TOP1MT: variants seen among roughly 807,000 people sequenced by gnomAD.
TOP1MT encodes DNA topoisomerase I mitochondrial, also known as DNA topoisomerase I, mitochondrial.
Under a neutral mutation model 73.9 loss-of-function variants are expected in TOP1MT, and 80 were observed. That is an observed-to-expected ratio of 1.08 (90% CI 0.90 to 1.30). The LOEUF (loss-of-function observed/expected upper bound fraction) is 1.30. TOP1MT is among the 50% of genes most tolerant of loss of function. TOP1MT has a pLI of 0.00. For missense variants in TOP1MT, 815 were observed against 808.0 expected (o/e 1.01, Z -0.10); for synonymous variants, 338 against 326.4 (o/e 1.04, Z -0.38).
At chr8:143,337,834 C>T (rs1159838040), upstream of TOP1MT, among the ~76,000 whole-genome samples, 5 of 152,172 alleles carry the variant, frequency 3.3e-5, no homozygotes, top group Non-Finnish European at 2.9e-5. Context: ...AGTTAAAGAT[C>T]GGCCCGGACC....
chr8:143,315,881 C>T, intron 11 of TOP1MT, 60 bp from the exon 12 acceptor site: 2 of 1,601,766 alleles, frequency 1.2e-6, no homozygotes, highest in Non-Finnish European at 1.7e-6. Context: ...CCCCTGTGCC[C>T]ACACCCTTCC....
At chr8:143,339,439 G>A (rs187657046), upstream of TOP1MT, among the ~76,000 whole-genome samples, 90 of 152,234 alleles carry the variant, frequency 5.9e-4, no homozygotes, top group African/African-American at 2.0e-3. Context: ...ACCTTGGCCC[G>A]GTTACTTAAC....
chr8:143,346,444 T>C (rs534466483), upstream of TOP1MT, among the ~76,000 whole-genome samples: 1 of 152,120 alleles, frequency 6.6e-6, no homozygotes, highest in African/African-American at 2.4e-5. Context: ...AATGATTTTT[T>C]AAAAAAAGAT....
At chr8:143,338,599 GATAA>G (rs879611873), upstream of TOP1MT, among the ~76,000 whole-genome samples, 40 of 152,200 alleles carry the variant, frequency 2.6e-4, no homozygotes, top group African/African-American at 6.0e-4. Context: ...TAAAAAGGGG[GATAA>G]ATAATCTAAA....
intron 1 of TOP1MT, among the ~76,000 whole-genome samples, chr8:143,352,757 T>A (rs566170545): frequency 9.2e-5 from 14 of 152,302 alleles, no homozygotes; most frequent in African/African-American, 3.4e-4. Flanking sequence ...TTACCATAGC[T>A]GGGACTACAT....
At chr8:143,319,780 C>T (rs534238502) in intron 8 of TOP1MT, among the ~76,000 whole-genome samples, 51 of 151,944 alleles carry the variant, frequency 3.4e-4, no homozygotes, top group African/African-American at 1.2e-3. Context: ...GAAAAGTGTT[C>T]CCGAAATTCA....
intron 1 of TOP1MT, among the ~76,000 whole-genome samples, chr8:143,352,035 T>C (rs759098284): frequency 3.3e-5 from 5 of 152,258 alleles, no homozygotes; most frequent in Non-Finnish European, 7.3e-5. Flanking sequence ...TGAGCCAAGA[T>C]TGTGCCATTG....
intron 1 of TOP1MT, chr8:143,331,607 G>A (rs947508142): frequency 5.5e-6 from 2 of 362,278 alleles, no homozygotes; most frequent in African/African-American, 2.0e-5. Flanking sequence ...GCGGGAAAGG[G>A]CAAGCCCAGC....
At chr8:143,339,935 C>A (rs1213292092) in intron 2 of TOP1MT, among the ~76,000 whole-genome samples, 1 of 101,954 alleles carries the variant, frequency 9.8e-6, no homozygotes, top group East Asian at 2.8e-4. Context: ...ACAGCATTAC[C>A]CCACTCCCAG....
intron 10 of TOP1MT, among the ~76,000 whole-genome samples, chr8:143,317,101 A>C (rs541827622): frequency 4.5e-4 from 69 of 152,348 alleles, no homozygotes; most frequent in African/African-American, 1.6e-3. Context: ...CGCCTCCTCC[A>C]GGAAGCCCTG....
intron 1 of TOP1MT, among the ~76,000 whole-genome samples, chr8:143,353,418 T>TAA (rs33998618): frequency 1.7e-4 from 23 of 135,738 alleles, no homozygotes; most frequent in African/African-American, 5.6e-4. Flanking sequence ...CCTGTCTCTT[T>TAA]AAAAAAAAAA....
At chr8:143,340,926 C>T (rs1300846951) in intron 2 of TOP1MT, among the ~76,000 whole-genome samples, 2 of 152,212 alleles carry the variant, frequency 1.3e-5, no homozygotes, top group Non-Finnish European at 2.9e-5. Context: ...CCTTTCTGCT[C>T]AGTGTGGCCC....
chr8:143,342,952 G>A (rs1817157710), intron 2 of TOP1MT, among the ~76,000 whole-genome samples: 1 of 151,910 alleles, frequency 6.6e-6, no homozygotes, highest in African/African-American at 2.4e-5. Flanking sequence ...GTAGAGAGGG[G>A]GTTTCATCAT....
intron 1 of TOP1MT, among the ~76,000 whole-genome samples, chr8:143,350,529 G>C (rs201866870): frequency 1.3e-5 from 2 of 151,994 alleles, no homozygotes; most frequent in African/African-American, 4.8e-5. Context: ...ACGGGGTTTC[G>C]CCATGTTGGC....
intron 7 of TOP1MT, among the ~76,000 whole-genome samples, chr8:143,322,371 GGCACGCC>G (rs1816463042): frequency 6.8e-5 from 2 of 29,628 alleles, no homozygotes; most frequent in Admixed American, 4.9e-4. Flanking sequence ...CACACACACA[GGCACGCC>G]ACACACGCAC....
In TOP1MT at chr8:143,329,309, C is replaced by T. The variant is rs757282284; in HGVS notation, c.360+41G>A. On this transcript the variant is annotated intron_variant, in intron 3 of 13. Transcript: ENST00000329245. ...TGCAGAACCGCAGACGCCTAGCCAG[C>T]CAGGTCCAGGACAGCTGTGGCGGCC... is the stretch of plus-strand genomic sequence containing the variant. 4.5e-6 allele frequency: 7 copies of T among 1,542,806 alleles called. No individual in the cohort carries two copies. The Admixed American group carries it at 1.6e-4, about 35-fold the overall frequency.
intron 1 of TOP1MT, 46 bp downstream of exon 1, chr8:143,334,694 G>T: frequency 1.3e-6 from 2 of 1,595,268 alleles, no homozygotes. Flanking sequence ...ACCTACCCAA[G>T]CCCGGTGCTC....
intron 1 of TOP1MT, among the ~76,000 whole-genome samples, chr8:143,351,957 C>T (rs967727335): frequency 5.3e-5 from 8 of 152,204 alleles, no homozygotes; most frequent in African/African-American, 1.4e-4. Context: ...GTGGCACATG[C>T]TGTAATCCCA....
Position 143,316,124 on chromosome 8 carries a change from C to T in TOP1MT, c.1333G>A (p.Glu445Lys), listed in dbSNP as rs777728891. 64 of 1,613,982 alleles carry T rather than the reference C, an allele frequency of 4.0e-5. No homozygotes were observed. The highest frequency in any genetic ancestry group is 5.3e-5 in the African/African-American group (4 of 74,938). Reference protein sequence around the residue: ...QEQLRALTRAEDSIAAKILSY... With the variant: ...QEQLRALTRAKDSIAAKILSY... ...AAGATCTTAGCTGCTATGCTGTCCT[C>T]GGCTGAGAGGCACGGGCTGTCAGAG... Residue 445 changes from glutamate (E) to lysine (K), a missense_variant and splice_region_variant, in exon 11 of 14, where the codon GAG becomes AAG. Glu to Lys is a moderately conservative substitution (Grantham distance 56, BLOSUM62 1). Around this residue, in one of 3 missense-constraint regions of TOP1MT, gnomAD observed 751 missense variants for 725.4 expected, o/e 1.04. Transcript: ENST00000329245.
Sources: allele counts gnomAD v4.1 joint callset (sites outside exome capture counted in the v4.1 genomes callset), GRCh38; gene constraint gnomAD v4.1.1; regional missense constraint gnomAD v4.1.1; transcripts MANE v1.5; gene names NCBI Gene and HGNC (gene_info 2026-07-23, HGNC 2026-07-21).